JAZF1: variants seen among roughly 807,000 people sequenced by gnomAD.
JAZF1 encodes JAZF zinc finger 1, also known as juxtaposed with another zinc finger protein 1.
Under a neutral mutation model 26.4 loss-of-function variants are expected in JAZF1, and 8 were observed. The observed-to-expected ratio is 0.30, with a 90% CI of 0.18 to 0.55. The LOEUF is 0.55. Ranked by LOEUF, JAZF1 falls within the 20% of genes least tolerant of loss-of-function variation. JAZF1 has a pLI of 0.94. For synonymous variants in JAZF1, 126 were observed against 122.3 expected (o/e 1.03, Z -0.20); for missense variants, 199 against 322.0 (o/e 0.62, Z 2.92).
chr7:27,972,952 T>TAC (rs35079442), intron 2 of JAZF1, among the ~76,000 whole-genome samples: 53,891 of 149,892 alleles, frequency 0.36, 10,398 homozygotes, highest in Non-Finnish European at 0.43. Flanking sequence ...TGTGTATATA[T>TAC]ACACACACAC....
At chr7:27,897,541 C>T (rs888292199) in intron 2 of JAZF1, among the ~76,000 whole-genome samples, 17 of 152,306 alleles carry the variant, frequency 1.1e-4, no homozygotes, top group Admixed American at 7.8e-4. Flanking sequence ...TGTTACTAGG[C>T]AACACTATCT....
intron 1 of JAZF1, among the ~76,000 whole-genome samples, chr7:27,996,714 C>G (rs1272467057): frequency 6.6e-6 from 1 of 152,196 alleles, no homozygotes. Context: ...GTTCCTAGTG[C>G]TAGCACTGCA....
At chr7:27,871,365 A>G (rs923097696) in intron 3 of JAZF1, among the ~76,000 whole-genome samples, 3 of 152,196 alleles carry the variant, frequency 2.0e-5, no homozygotes, top group African/African-American at 7.2e-5. Flanking sequence ...AAGTCTATTA[A>G]CTGTTTCTTC....
intron 2 of JAZF1, among the ~76,000 whole-genome samples, chr7:27,898,461 T>C (rs942003679): frequency 1.3e-4 from 20 of 151,742 alleles, no homozygotes; most frequent in African/African-American, 4.8e-4. Context: ...GCCACCACCA[T>C]GCCCAGCTAA....
At chr7:27,930,777 TACC>T (rs933238691) in intron 2 of JAZF1, among the ~76,000 whole-genome samples, 16 of 152,172 alleles carry the variant, frequency 1.1e-4, no homozygotes, top group African/African-American at 3.6e-4. Context: ...ATTTATATCT[TACC>T]ACTATAGCCC....
At chr7:28,035,076 G>A (rs1382338036) in intron 1 of JAZF1, among the ~76,000 whole-genome samples, 1 of 151,858 alleles carries the variant, frequency 6.6e-6, no homozygotes, top group Admixed American at 6.6e-5. Flanking sequence ...CAGCACTTTG[G>A]GAGTCCGAGG....
At chr7:27,918,856 C>T (rs1203843955) in intron 2 of JAZF1, among the ~76,000 whole-genome samples, 1 of 151,852 alleles carries the variant, frequency 6.6e-6, no homozygotes, top group Non-Finnish European at 1.5e-5. Flanking sequence ...AGATTTAAAA[C>T]AAAATTTGGT....
intron 3 of JAZF1, 106 bp downstream of exon 3, chr7:27,895,114 C>T (rs1232542687): frequency 1.8e-6 from 1 of 564,818 alleles, no homozygotes; most frequent in Non-Finnish European, 2.9e-6. Context: ...TGTGGTGGGT[C>T]TGTGTCGTCA....
In JAZF1 at chr7:28,002,778, G is replaced by A. The variant is rs1782625320; in HGVS notation, c.116-10797C>T. On this transcript the variant is annotated intron_variant, in intron 1 of 4. Coordinates refer to ENST00000283928, the MANE Select transcript of JAZF1 (RefSeq NM_175061.4). ...TCCCTCCATAATGCTTAGAAACATG[G>A]CTTCCTGGTATAAAAACCACACTTC... Among the ~76,000 whole-genome samples, 3 of 152,006 alleles carry A rather than the reference G, an allele frequency of 2.0e-5. 1 individual carries two copies. The South Asian group carries it at 6.2e-4, about 32-fold the overall frequency.
At position 27,831,093 on chromosome 7, in the gene JAZF1, T is replaced by TAAAC. The variant is rs1286608618; in HGVS notation, c.*1703_*1706dup. The stretch of plus-strand genomic sequence containing the variant: ...GCGTCTCATGTCTGGATCACCCTTT[T>TAAAC]AAACATAGGATAACACTGTATATTC... On this transcript the variant is annotated 3_prime_UTR_variant, in exon 5 of 5. Transcript: ENST00000283928. 4.5e-6 allele frequency: 1 copy of TAAAC among 223,224 alleles called. No individual in the cohort carries two copies. Among genetic ancestry groups the TAAAC allele is most frequent in the African/African-American group, 2.2e-5 (1 of 44,816 alleles). 13.8% of individuals were successfully genotyped at this position (223,224 alleles called of 1,614,324 possible).
intron 1 of JAZF1, among the ~76,000 whole-genome samples, chr7:28,081,124 G>A (rs1784130085): frequency 6.6e-6 from 1 of 152,218 alleles, no homozygotes; most frequent in African/African-American, 2.4e-5. Context: ...AGCAGGCCTT[G>A]CATTCTTTGA....
intron 1 of JAZF1, among the ~76,000 whole-genome samples, chr7:28,166,370 G>C (rs1783367616): frequency 6.6e-6 from 1 of 152,216 alleles, no homozygotes; most frequent in South Asian, 2.1e-4. Context: ...GAAGCTTCCA[G>C]TGTTTAAGTC....
At chr7:28,099,625 C>T (rs1784439576) in intron 1 of JAZF1, among the ~76,000 whole-genome samples, 1 of 151,988 alleles carries the variant, frequency 6.6e-6, no homozygotes, top group Non-Finnish European at 1.5e-5. Context: ...TACAGGCATG[C>T]ACCACCATGC....
intron 1 of JAZF1, among the ~76,000 whole-genome samples, chr7:28,151,924 G>T (rs1783117274): frequency 6.6e-6 from 1 of 152,144 alleles, no homozygotes. Context: ...AAACAAAAAA[G>T]AATTGTGGCT....
intron 3 of JAZF1, among the ~76,000 whole-genome samples, chr7:27,891,595 G>A (rs1478920492): frequency 1.3e-5 from 2 of 152,172 alleles, no homozygotes; most frequent in Non-Finnish European, 2.9e-5. Flanking sequence ...GGGAGGCAGA[G>A]GCAGGAGGAT....
chr7:27,958,131 T>C (rs573269257), intron 2 of JAZF1, among the ~76,000 whole-genome samples: 6 of 152,224 alleles, frequency 3.9e-5, no homozygotes, highest in Non-Finnish European at 8.8e-5. Flanking sequence ...CCGTTACAGA[T>C]TCATCTCTCT....
At chr7:28,167,681 G>T (rs481806) in intron 1 of JAZF1, among the ~76,000 whole-genome samples, 117,612 of 152,106 alleles carry the variant, frequency 0.77, 46,074 homozygotes, top group East Asian at 0.98. Flanking sequence ...TGGAGAGAGT[G>T]TTTCAGTGGT....
intron 1 of JAZF1, among the ~76,000 whole-genome samples, chr7:28,134,873 AT>A (rs1423076553): frequency 6.6e-6 from 1 of 152,172 alleles, no homozygotes; most frequent in Non-Finnish European, 1.5e-5. Flanking sequence ...CGCTTGGACT[AT>A]AAGCTCCTTG....
chr7:27,934,854 T>A (rs1784742947), intron 2 of JAZF1, among the ~76,000 whole-genome samples: 1 of 152,182 alleles, frequency 6.6e-6, no homozygotes, highest in Non-Finnish European at 1.5e-5. Flanking sequence ...ACTAGATAAT[T>A]AGACTTCGTT....
Sources: gnomAD v4.1 joint callset for allele counts (sites outside exome capture counted in the v4.1 genomes callset) on GRCh38, gnomAD v4.1.1 for gene constraint, MANE v1.5 for transcripts, NCBI Gene and HGNC (gene_info 2026-07-23, HGNC 2026-07-21) for gene names.